The following LINGO2 variants were observed in gnomAD, a reference collection of about 807,000 sequenced individuals.
The protein encoded by LINGO2 is leucine-rich repeat and immunoglobulin-like domain-containing nogo receptor-interacting protein 2.
LINGO2 carries 14 observed loss-of-function variants against 30.6 expected under a neutral mutation model. The observed-to-expected ratio is 0.46, with a 90% CI of 0.30 to 0.72. LINGO2 has a LOEUF of 0.72. Among genes scored for constraint, LINGO2 ranks in the 30% least tolerant of loss-of-function variants. LINGO2 has a pLI of 0.07. For missense variants in LINGO2, 729 were observed against 751.7 expected, an observed-to-expected ratio of 0.97 and a Z score of 0.35; for synonymous variants, 317 against 288.5, an observed-to-expected ratio of 1.10 and a Z score of -1.00.
At chr9:28,119,658 T>C (rs979666061) in intron 4 of LINGO2, among the ~76,000 whole-genome samples, 3 of 152,208 alleles carry the variant, frequency 2.0e-5, no homozygotes, top group African/African-American at 7.2e-5. Flanking sequence ...AGATGTAAGT[T>C]ACTCCCCTCT....
the LINGO2 span, among the ~76,000 whole-genome samples, chr9:29,145,421 T>G: frequency 1.9e-5 from 2 of 105,778 alleles, no homozygotes; most frequent in Admixed American, 1.0e-4. Flanking sequence ...AAAATTAGTG[T>G]TTTTTTTTTT....
At chr9:28,793,035 C>A in the LINGO2 span, among the ~76,000 whole-genome samples, 1 of 151,988 alleles carries the variant, frequency 6.6e-6, no homozygotes, top group Non-Finnish European at 1.5e-5. Context: ...AGATACACAC[C>A]CTGCCACACA....
intron 4 of LINGO2, among the ~76,000 whole-genome samples, chr9:28,254,811 T>C (rs139875818): frequency 9.7e-4 from 147 of 152,226 alleles, no homozygotes; most frequent in African/African-American, 3.3e-3. Context: ...AGATTTGTTA[T>C]ATAGGTAAAA....
chr9:28,129,597 T>G lies in LINGO2; in HGVS notation c.-86-117192A>C, dbSNP rs1387688291. 2 of 152,202 alleles carry G rather than the reference T, an allele frequency of 1.3e-5. No individual in the cohort carries two copies. Among genetic ancestry groups the G allele is most frequent in the Non-Finnish European group, 2.9e-5 (2 of 68,036 alleles). The allele number at this position is 152,202 out of a possible 1,614,324, so 9.4% of individuals were successfully genotyped here. A position where few individuals can be genotyped will look rare whatever the true frequency, so the allele number is the denominator to read the frequency against. ...TCCCAACTCACTTGACCTATCTGCC[T>G]GTACGTAAGTAGCTAAAACTCATCA... On this transcript the variant is annotated intron_variant, in intron 4 of 5. Transcript: ENST00000379992. This position sits in a 1 kb window ranked among gnomAD's most constrained non-coding sequence, Gnocchi z 4.0.
chr9:28,236,213 A>T (rs1299386997), intron 4 of LINGO2, among the ~76,000 whole-genome samples: 2 of 152,198 alleles, frequency 1.3e-5, no homozygotes, highest in African/African-American at 4.8e-5. Context: ...AATTTACATT[A>T]GAATAGTATA....
intron 1 of LINGO2, among the ~76,000 whole-genome samples, chr9:28,655,153 T>A (rs1828278675): frequency 6.6e-6 from 1 of 152,042 alleles, no homozygotes; most frequent in Admixed American, 6.6e-5. Context: ...TCAGAAGAGT[T>A]GATCGTTTTA....
downstream of LINGO2, chr9:27,943,574 GTAA>G (rs1823249541): frequency 6.6e-6 from 1 of 150,826 alleles, no homozygotes; most frequent in Non-Finnish European, 1.5e-5. Flanking sequence ...TATGTGAATG[GTAA>G]GTCTTAACTT....
chr9:28,539,835 T>A (rs1367131343), intron 1 of LINGO2, among the ~76,000 whole-genome samples: 1 of 152,168 alleles, frequency 6.6e-6, no homozygotes, highest in African/African-American at 2.4e-5. Context: ...CTGGTAAGCA[T>A]GCAATGTGAA....
At chr9:28,225,249 T>C (rs1821107344) in intron 4 of LINGO2, among the ~76,000 whole-genome samples, 1 of 152,186 alleles carries the variant, frequency 6.6e-6, no homozygotes, top group African/African-American at 2.4e-5. Context: ...AATTTAACAT[T>C]GTTATTATTA....
intron 2 of LINGO2, among the ~76,000 whole-genome samples, chr9:28,466,756 A>G (rs1053039155): frequency 6.6e-6 from 1 of 152,218 alleles, no homozygotes; most frequent in Non-Finnish European, 1.5e-5. Context: ...ATAAATTAAA[A>G]AAAGACAGCA....
At chr9:28,584,672 T>C (rs1337021986) in intron 1 of LINGO2, among the ~76,000 whole-genome samples, 1 of 152,070 alleles carries the variant, frequency 6.6e-6, no homozygotes. Flanking sequence ...TAATAGATTT[T>C]ATCACTTGAA....
At chr9:29,008,887 A>G in the LINGO2 span, among the ~76,000 whole-genome samples, 4 of 152,172 alleles carry the variant, frequency 2.6e-5, no homozygotes, top group Admixed American at 2.6e-4. Context: ...ACATATGCAA[A>G]TCAATAAACG....
chr9:29,135,351 A>T, the LINGO2 span, among the ~76,000 whole-genome samples: 1 of 151,972 alleles, frequency 6.6e-6, no homozygotes, highest in Non-Finnish European at 1.5e-5. Context: ...TTAGGTCAGG[A>T]GGTTGAGACC....
intron 2 of LINGO2, among the ~76,000 whole-genome samples, chr9:28,422,266 C>G (rs1348592317): frequency 6.6e-6 from 1 of 151,954 alleles, no homozygotes; most frequent in Non-Finnish European, 1.5e-5. Flanking sequence ...AATCATATAT[C>G]TAAAAAGAGG....
chr9:29,029,191 T>C, the LINGO2 span, among the ~76,000 whole-genome samples: 1 of 152,112 alleles, frequency 6.6e-6, no homozygotes, highest in Non-Finnish European at 1.5e-5. Context: ...GCTTATAGTG[T>C]GGTGCAGGGA....
At chr9:28,498,564 C>T (rs1819752972) in intron 1 of LINGO2, among the ~76,000 whole-genome samples, 1 of 152,108 alleles carries the variant, frequency 6.6e-6, no homozygotes, top group Non-Finnish European at 1.5e-5. Context: ...TCACAGTTTC[C>T]CTTGGCTAGG....
At chr9:29,086,382 T>A in the LINGO2 span, among the ~76,000 whole-genome samples, 2 of 97,088 alleles carry the variant, frequency 2.1e-5, no homozygotes, top group Non-Finnish European at 4.4e-5. Flanking sequence ...TTTATCAAGG[T>A]TTTTTTTGGT....
the LINGO2 span, among the ~76,000 whole-genome samples, chr9:28,749,771 C>T: frequency 6.6e-6 from 1 of 151,992 alleles, no homozygotes; most frequent in Non-Finnish European, 1.5e-5. Context: ...CAATGAGTAA[C>T]AGACTCTAAG....
the LINGO2 span, among the ~76,000 whole-genome samples, chr9:29,120,928 A>C: frequency 6.6e-6 from 1 of 152,166 alleles, no homozygotes; most frequent in Non-Finnish European, 1.5e-5. Flanking sequence ...GTGGTCAGTA[A>C]ATGTTGTCTC....
Sources: gnomAD v4.1 joint callset for allele counts (sites outside exome capture counted in the v4.1 genomes callset) on GRCh38, gnomAD v4.1.1 for gene constraint, Gnocchi (gnomAD v3.1) non-coding constraint, MANE v1.5 for transcripts, NCBI Gene and HGNC (gene_info 2026-07-23, HGNC 2026-07-21) for gene names.